Variants in TYW1B observed in about 807,000 individuals in gnomAD.
The protein encoded by TYW1B is S-adenosyl-L-methionine-dependent tRNA 4-demethylwyosine synthase TYW1B.
TYW1B carries 73 observed loss-of-function variants against 86.9 expected under a neutral mutation model. That is an observed-to-expected ratio of 0.84 (90% CI 0.70 to 1.02). The LOEUF (loss-of-function observed/expected upper bound fraction) is 1.02, where lower values mean the gene tolerates loss of function less well. Ranked by LOEUF, TYW1B falls within the 50% of genes least tolerant of loss-of-function variation. The pLI is 0.00. For missense variants in TYW1B, 637 were observed against 827.4 expected (o/e 0.77, Z 2.82); for synonymous variants, 248 against 292.8 (o/e 0.85, Z 1.56).
rs1441371482 is a variant in TYW1B, at chr7:72,628,820, G to A, written c.1617+67C>T. On this transcript the variant is annotated intron_variant, in intron 12 of 13. Coordinates refer to ENST00000620995, the MANE Select transcript of TYW1B (RefSeq NM_001145440.3). The stretch of plus-strand genomic sequence containing the variant: ...GAGTTTTACAAGGTTTTAACTCCAC[G>A]ATGGCCAACGAAGCACCACGATTCT... 30 of 1,352,534 alleles carry A rather than the reference G, an allele frequency of 2.2e-5. No homozygotes were observed. The East Asian group carries it at 5.6e-4, about 25-fold the overall frequency. 83.8% of individuals were successfully genotyped at this position (1,352,534 alleles called of 1,614,324 possible).
chr7:72,784,728 C>T (rs1458907663), intron 6 of TYW1B, among the ~76,000 whole-genome samples: 1 of 152,128 alleles, frequency 6.6e-6, no homozygotes, highest in Non-Finnish European at 1.5e-5. Flanking sequence ...GAACTCCAGA[C>T]CTCAGGTGAT....
intron 13 of TYW1B, among the ~76,000 whole-genome samples, chr7:72,599,552 G>T (rs1423136202): frequency 6.6e-6 from 1 of 152,014 alleles, no homozygotes; most frequent in Non-Finnish European, 1.5e-5. Context: ...ATAAGAAAAG[G>T]AAATAAAAGA....
Position 72,782,306 on chromosome 7 carries a change from A to T in TYW1B, c.847-4773T>A, listed in dbSNP as rs193262269. Among the ~76,000 whole-genome samples the T allele has an allele frequency of 1.9e-3, 282 of 152,062 alleles. 2 individuals are homozygous for T. Among genetic ancestry groups the T allele is most frequent in the African/African-American group, 5.8e-3 (239 of 41,488 alleles). On this transcript the variant is annotated intron_variant, in intron 6 of 13. Coordinates refer to ENST00000620995, the MANE Select transcript of TYW1B (RefSeq NM_001145440.3). Reference sequence around the variant, plus strand: ...CCTGTCTCTAAAAATAAAAAAATTTAAAAAAAATCATACAATACCACTTAA... The same window carrying T: ...CCTGTCTCTAAAAATAAAAAAATTTTAAAAAAATCATACAATACCACTTAA...
intron 11 of TYW1B, among the ~76,000 whole-genome samples, chr7:72,674,643 C>A (rs1410978915): frequency 6.6e-6 from 1 of 152,232 alleles, no homozygotes; most frequent in Middle Eastern, 3.4e-3. Context: ...CATTCCACTC[C>A]AACTAAGGTT....
chr7:72,809,185 G>A (rs533445786), intron 4 of TYW1B, among the ~76,000 whole-genome samples: 1 of 151,924 alleles, frequency 6.6e-6, no homozygotes, highest in African/African-American at 2.4e-5. Flanking sequence ...TGGGACTACA[G>A]GCGCCCGTCA....
intron 9 of TYW1B, among the ~76,000 whole-genome samples, chr7:72,727,508 A>T (rs1443243943): frequency 1.3e-5 from 2 of 152,136 alleles, no homozygotes; most frequent in Non-Finnish European, 2.9e-5. Context: ...AATAACATCA[A>T]CACCAACCAG....
intron 11 of TYW1B, among the ~76,000 whole-genome samples, chr7:72,682,182 A>G (rs140258853): frequency 2.0e-5 from 3 of 152,124 alleles, no homozygotes; most frequent in African/African-American, 7.2e-5. Context: ...ATAGCCTATA[A>G]TTACTTATAT....
In TYW1B at chr7:72,585,077, T is replaced by G. The variant is rs573478854; in HGVS notation, c.1786-9358A>C. ...ACAGTTACAGGCAAGAGGTTGCAGATGAAGAACTGACTTCCCATCGGTTTC... is the reference window on the plus strand; with the variant it reads ...ACAGTTACAGGCAAGAGGTTGCAGAGGAAGAACTGACTTCCCATCGGTTTC... On this transcript the variant is annotated intron_variant, in intron 13 of 13. Transcript: ENST00000620995. Among the ~76,000 whole-genome samples the G allele has an allele frequency of 2.6e-5, 4 of 152,352 alleles. No homozygotes were observed. The East Asian group carries it at 7.7e-4, about 29-fold the overall frequency.
chr7:72,709,518 A>C (rs2960972), intron 10 of TYW1B, among the ~76,000 whole-genome samples: 118,668 of 151,968 alleles, frequency 0.78, 47,086 homozygotes, highest in Middle Eastern at 0.86. Context: ...AATACAAAAA[A>C]TTAGCTGGGG....
At chr7:72,746,587 A>G (rs4307221) in intron 7 of TYW1B, among the ~76,000 whole-genome samples, 104,940 of 152,040 alleles carry the variant, frequency 0.69, 37,187 homozygotes, top group Non-Finnish European at 0.77. Context: ...GCATGTGGAT[A>G]TAGGCTCTTT....
At chr7:72,640,576 G>A (rs544480869) in intron 11 of TYW1B, among the ~76,000 whole-genome samples, 131 of 150,702 alleles carry the variant, frequency 8.7e-4, no homozygotes, top group African/African-American at 3.0e-3. Context: ...AAGATGAGAA[G>A]GTGAGAAGGG....
intron 7 of TYW1B, among the ~76,000 whole-genome samples, chr7:72,749,443 A>G (rs1230390341): frequency 1.3e-5 from 2 of 151,900 alleles, no homozygotes; most frequent in Non-Finnish European, 2.9e-5. Flanking sequence ...ACAGGCACCC[A>G]CCACCAAGCC....
chr7:72,777,013 A>T (rs1328314834), intron 7 of TYW1B, among the ~76,000 whole-genome samples: 1 of 152,130 alleles, frequency 6.6e-6, no homozygotes, highest in Non-Finnish European at 1.5e-5. Context: ...CCTCCACAGG[A>T]AACTAATATT....
chr7:72,683,771 C>T (rs1554448788), intron 11 of TYW1B, among the ~76,000 whole-genome samples: 1 of 152,160 alleles, frequency 6.6e-6, no homozygotes, highest in Non-Finnish European at 1.5e-5. Flanking sequence ...GCACAAGCAT[C>T]CAAACCAGGC....
intron 11 of TYW1B, among the ~76,000 whole-genome samples, chr7:72,686,409 A>T (rs1345124084): frequency 1.3e-5 from 2 of 152,250 alleles, no homozygotes; most frequent in Non-Finnish European, 2.9e-5. Flanking sequence ...AAACACATGG[A>T]AGGAACCTTA....
At chr7:72,684,279 A>C (rs1211880424) in intron 11 of TYW1B, among the ~76,000 whole-genome samples, 2 of 152,180 alleles carry the variant, frequency 1.3e-5, no homozygotes, top group Non-Finnish European at 2.9e-5. Context: ...ATAGATAAGC[A>C]TGTAAGTTTC....
intron 9 of TYW1B, chr7:72,723,070 G>C (rs1786934104): frequency 1.0e-6 from 1 of 990,554 alleles, no homozygotes; most frequent in Admixed American, 2.7e-5. Flanking sequence ...AGGGGACAAG[G>C]AGCCTGGTTT....
intron 12 of TYW1B, among the ~76,000 whole-genome samples, chr7:72,621,661 C>T (rs1812219810): frequency 6.6e-6 from 1 of 152,186 alleles, no homozygotes; most frequent in East Asian, 1.9e-4. Context: ...AACTCTGAGC[C>T]CTTTGAGGGC....
At chr7:72,662,416 AATATATAT>A (rs1218605719) in intron 11 of TYW1B, among the ~76,000 whole-genome samples, 43,660 of 137,608 alleles carry the variant, frequency 0.32, 6,687 homozygotes, top group Admixed American at 0.33. Flanking sequence ...TCAGGTTTTT[AATATATAT>A]ATATAGATAG....
Sources: gnomAD v4.1 joint callset for allele counts (sites outside exome capture counted in the v4.1 genomes callset) on GRCh38, gnomAD v4.1.1 for gene constraint, MANE v1.5 for transcripts, NCBI Gene and HGNC (gene_info 2026-07-23, HGNC 2026-07-21) for gene names.